Variants in LIPK observed in about 807,000 individuals in gnomAD.
The protein encoded by LIPK is lipase family member K, also known as lipase member K.
A neutral mutation model predicts 48.6 loss-of-function variants in LIPK; 32 were observed. The ratio of observed to expected loss-of-function variants is 0.66; its 90% CI spans 0.50 to 0.88. The LOEUF (loss-of-function observed/expected upper bound fraction) is 0.88. Among genes scored for constraint, LIPK ranks in the 40% least tolerant of loss-of-function variants. The probability of loss-of-function intolerance (pLI) is 0.00; values close to 1 mark genes in which losing one functional copy is unlikely to be tolerated. For missense variants in LIPK, 507 were observed against 478.5 expected, an observed-to-expected ratio of 1.06 and a Z score of -0.56; for synonymous variants, 164 against 157.4, an observed-to-expected ratio of 1.04 and a Z score of -0.32.
intron 9 of LIPK, among the ~76,000 whole-genome samples, chr10:88,749,541 G>A (rs1320773912): frequency 6.6e-6 from 1 of 152,194 alleles, no homozygotes; most frequent in African/African-American, 2.4e-5. Context: ...AATTGGTGCT[G>A]AGATAACTGG....
intron 1 of LIPK, among the ~76,000 whole-genome samples, chr10:88,714,497 C>T (rs1842080947): frequency 6.6e-6 from 1 of 152,038 alleles, no homozygotes; most frequent in Non-Finnish European, 1.5e-5. Context: ...ATAGGATGCT[C>T]ACCAATGAAA....
Position 88,740,061 on chromosome 10 carries a change from G to A in LIPK, c.882G>A (p.Trp294Ter), listed in dbSNP as rs1429251053. Residue 294 changes from tryptophan (W) to a stop codon, truncating the protein, a stop_gained, in exon 8 of 10, where the codon TGG becomes TGA. Coordinates refer to ENST00000404190, the MANE Select transcript of LIPK (RefSeq NM_001080518.2). LOFTEE classifies it high-confidence loss of function. ...AGTSVQNMLH[W>*]AQAVNSGQLQ... is the part of the protein sequence containing the mutation. The stretch of plus-strand genomic sequence containing the variant: ...CATCTGTTCAGAATATGCTGCACTG[G>A]GCTCAGGTAAGTGCTTCTTATTCCT... 1.9e-6 allele frequency: 3 copies of A among 1,611,338 alleles called. No individual in the cohort carries two copies. The highest frequency in any genetic ancestry group is 2.5e-6 in the Non-Finnish European group (3 of 1,178,182).
chr10:88,733,043 G>A (rs76678036), intron 6 of LIPK, among the ~76,000 whole-genome samples: 2,813 of 152,336 alleles, frequency 0.018, 89 homozygotes, highest in African/African-American at 0.064. Flanking sequence ...TGAGGACTAA[G>A]TAAATTAATA....
At position 88,725,794 on chromosome 10, in the gene LIPK, G is replaced by C. The variant is rs185129795; in HGVS notation, c.106-1001G>C. ...CCCTCTTCTTTGTATATCTGCAGGT[G>C]GGGTATCTTTTCTGACCCCTCTAGG... On this transcript the variant is annotated intron_variant, in intron 2 of 9. Transcript: ENST00000404190. Among the ~76,000 whole-genome samples the C allele has an allele frequency of 6.2e-4, 94 of 152,184 alleles. 1 individual carries two copies. Among genetic ancestry groups the C allele is most frequent in the Non-Finnish European group, 1.1e-3 (73 of 68,004 alleles).
intron 1 of LIPK, among the ~76,000 whole-genome samples, chr10:88,713,815 C>A (rs1189368300): frequency 6.6e-6 from 1 of 151,928 alleles, no homozygotes; most frequent in African/African-American, 2.4e-5. Context: ...GTGGTGGGCA[C>A]CTGTAATCCC....
chr10:88,730,982 G>T lies in LIPK; in HGVS notation c.224-1G>T. ...AAATTCTTGTTGCCTGTGTTTTGCA[G>T]CTCCAAAGCCTGCTGTGTATTTGCA... On this transcript the variant is annotated splice_acceptor_variant, in intron 3 of 9. Coordinates refer to ENST00000404190, the MANE Select transcript of LIPK (RefSeq NM_001080518.2). LOFTEE classifies it high-confidence loss of function. 1.9e-6 allele frequency: 3 copies of T among 1,564,946 alleles called. No homozygotes were observed. In the East Asian group the frequency reaches 6.9e-5, roughly 36 times the overall value.
chr10:88,731,272 A>G (rs1842462120), intron 4 of LIPK, 91 bp downstream of exon 4: 1 of 1,028,756 alleles, frequency 9.7e-7, no homozygotes, highest in African/African-American at 1.7e-5. Context: ...TTGTGTCCAA[A>G]TGCACCCAAT....
At chr10:88,738,050 T>C (rs766405673) in intron 7 of LIPK, among the ~76,000 whole-genome samples, 5 of 152,234 alleles carry the variant, frequency 3.3e-5, no homozygotes, top group Non-Finnish European at 7.3e-5. Context: ...GATATTTATC[T>C]TGCTGTGCCT....
chr10:88,725,756 T>C lies in LIPK; in HGVS notation c.106-1039T>C, dbSNP rs1439788663. Among the ~76,000 whole-genome samples the C allele has an allele frequency of 5.3e-5, 8 of 152,300 alleles. No homozygotes were observed. In the East Asian group the frequency reaches 1.5e-3, roughly 29 times the overall value. ...TAAACCTCTACGCAGAAGATACCAG[T>C]AATCACTAATTCCCCTCTTCTTTGT... On this transcript the variant is annotated intron_variant, in intron 2 of 9. Coordinates refer to ENST00000404190, the MANE Select transcript of LIPK (RefSeq NM_001080518.2).
At chr10:88,737,565 G>T in intron 6 of LIPK, 70 bp from the exon 7 acceptor site, 1 of 1,529,712 alleles carries the variant, frequency 6.5e-7, no homozygotes, top group South Asian at 1.2e-5. Flanking sequence ...GTCCTTCTTT[G>T]AACTATCTCT....
At chr10:88,725,626 T>C (rs1842322177) in intron 2 of LIPK, among the ~76,000 whole-genome samples, 1 of 152,246 alleles carries the variant, frequency 6.6e-6, no homozygotes, top group Non-Finnish European at 1.5e-5. Flanking sequence ...TCCTGGTATA[T>C]AATCTTGGAT....
At chr10:88,733,717 C>G (rs547814005) in intron 6 of LIPK, among the ~76,000 whole-genome samples, 4 of 152,310 alleles carry the variant, frequency 2.6e-5, no homozygotes, top group African/African-American at 9.6e-5. Context: ...TGAGATCTTT[C>G]CATTCCTCTT....
chr10:88,724,158 A>G (rs1353167927), intron 1 of LIPK, among the ~76,000 whole-genome samples: 1 of 152,214 alleles, frequency 6.6e-6, no homozygotes, highest in Non-Finnish European at 1.5e-5. Flanking sequence ...ATCAGAAAAA[A>G]GTACCAACCA....
At chr10:88,714,512 G>A (rs1160149099) in intron 1 of LIPK, among the ~76,000 whole-genome samples, 3 of 152,138 alleles carry the variant, frequency 2.0e-5, no homozygotes, top group African/African-American at 7.2e-5. Flanking sequence ...ATGAAACTAT[G>A]TGGATCTGTA....
At chr10:88,736,098 T>A (rs1025418278) in intron 6 of LIPK, among the ~76,000 whole-genome samples, 6 of 151,412 alleles carry the variant, frequency 4.0e-5, no homozygotes, top group Admixed American at 2.6e-4. Flanking sequence ...GATTTCATAC[T>A]CCTCTTCCTG....
intron 2 of LIPK, 27 bp downstream of exon 2, chr10:88,724,675 C>T (rs1390437506): frequency 6.9e-7 from 1 of 1,444,280 alleles, no homozygotes; most frequent in South Asian, 1.3e-5. Flanking sequence ...GAAAAAAATG[C>T]TAAAATAAGG....
At chr10:88,746,100 C>A (rs1253181459) in intron 9 of LIPK, among the ~76,000 whole-genome samples, 1 of 152,082 alleles carries the variant, frequency 6.6e-6, no homozygotes, top group Non-Finnish European at 1.5e-5. Flanking sequence ...TATATGCACC[C>A]AACACAGGAG....
At chr10:88,717,647 C>A (rs555155747) in intron 1 of LIPK, among the ~76,000 whole-genome samples, 4 of 152,236 alleles carry the variant, frequency 2.6e-5, no homozygotes, top group Admixed American at 2.6e-4. Context: ...CCTCAGCACA[C>A]AGTTGGGAAA....
At chr10:88,710,146 T>G (rs1437742304) in intron 1 of LIPK, among the ~76,000 whole-genome samples, 2 of 151,976 alleles carry the variant, frequency 1.3e-5, no homozygotes, top group Non-Finnish European at 2.9e-5. Flanking sequence ...TATATTATAG[T>G]TTATTTTAAA....
Sources: gnomAD v4.1 joint callset for allele counts (sites outside exome capture counted in the v4.1 genomes callset) on GRCh38, gnomAD v4.1.1 for gene constraint, MANE v1.5 for transcripts, NCBI Gene and HGNC (gene_info 2026-07-23, HGNC 2026-07-21) for gene names.